The following NUP133 variants were observed in gnomAD, a reference collection of about 807,000 sequenced individuals.
NUP133 encodes nuclear pore complex protein Nup133.
Under a neutral mutation model 146.2 loss-of-function variants are expected in NUP133, and 66 were observed. That is an observed-to-expected ratio of 0.45 (90% CI 0.37 to 0.55). NUP133 has a LOEUF of 0.55. NUP133 is among the 20% of genes least tolerant of loss of function. The pLI is 0.00. For missense variants in NUP133, 1,277 were observed against 1,374.8 expected, an observed-to-expected ratio of 0.93 and a Z score of 1.12; for synonymous variants, 521 against 498.8, an observed-to-expected ratio of 1.04 and a Z score of -0.59.
chr1:229,495,950 T>C lies in NUP133; in HGVS notation c.917A>G (p.His306Arg), dbSNP rs1238384292. The change falls in exon 7 of 26, where the codon CAT becomes CGT. Residue 306 changes from histidine (H) to arginine (R), a missense_variant. By Grantham distance (29) the His-to-Arg change is conservative. Coordinates refer to ENST00000261396, the MANE Select transcript of NUP133 (RefSeq NM_018230.3). Reference protein sequence around the residue: ...KWELDDSSEKHAYSWDINRAL... With the variant: ...KWELDDSSEKRAYSWDINRAL... ...TCTATTTATATCCCAACTGTATGCA[T>C]GCTTTTCTGAAGAATCATCTAATTC... 1.9e-6 allele frequency: 3 copies of C among 1,612,066 alleles called. No homozygotes were observed. Among genetic ancestry groups the C allele is most frequent in the Admixed American group, 1.7e-5 (1 of 59,532 alleles).
Position 229,486,075 on chromosome 1 carries a change from C to A in NUP133, c.1500+296G>T, listed in dbSNP as rs1346823727. Among the ~76,000 whole-genome samples the A allele has an allele frequency of 5.9e-5, 9 of 152,098 alleles. No homozygotes were observed. In the East Asian group the frequency reaches 1.7e-3, roughly 29 times the overall value. ...TATTTAGGAAGTTAAGAGGGGAGGA[C>A]TGCTTGATCCCGGGAGGTTGAGGTG... is the stretch of plus-strand genomic sequence containing the variant. On this transcript the variant is annotated intron_variant, in intron 11 of 25. Coordinates refer to ENST00000261396, the MANE Select transcript of NUP133 (RefSeq NM_018230.3).
chr1:229,457,748 C>T (rs533982179), intron 21 of NUP133, among the ~76,000 whole-genome samples: 3 of 152,078 alleles, frequency 2.0e-5, no homozygotes, highest in Non-Finnish European at 4.4e-5. Context: ...ATATGAAGGG[C>T]CAACTGTACT....
intron 14 of NUP133, 78 bp downstream of exon 14, chr1:229,475,560 A>G (rs1268631970): frequency 1.9e-6 from 2 of 1,052,472 alleles, no homozygotes; most frequent in African/African-American, 1.6e-5. Context: ...ACACCTCAAA[A>G]TAGAGAGAAG....
In NUP133 at chr1:229,441,059, C is replaced by T. The variant is rs1056049124; in HGVS notation, c.*845G>A. 5.0e-6 allele frequency: 1 copy of T among 198,216 alleles called. No individual in the cohort carries two copies. The highest frequency in any genetic ancestry group is 1.2e-4 in the East Asian group (1 of 8,070). The allele number at this position is 198,216 out of a possible 1,614,324, so 12.3% of individuals were successfully genotyped here. A position where few individuals can be genotyped will look rare whatever the true frequency, so the allele number is the denominator to read the frequency against. On this transcript the variant is annotated 3_prime_UTR_variant, in exon 26 of 26. Coordinates refer to ENST00000261396, the MANE Select transcript of NUP133 (RefSeq NM_018230.3). Reference sequence around the variant, plus strand: ...GAGTGAGTGATGACACTGGTCAGGACAAAGCTCTGAGAGTACAGTACCTTT... The same window carrying T: ...GAGTGAGTGATGACACTGGTCAGGATAAAGCTCTGAGAGTACAGTACCTTT...
At chr1:229,493,155 T>C (rs1347320110) in intron 8 of NUP133, among the ~76,000 whole-genome samples, 3 of 152,308 alleles carry the variant, frequency 2.0e-5, no homozygotes, top group African/African-American at 7.2e-5. Flanking sequence ...TTAGTAATCA[T>C]CTAGTAAAAT....
chr1:229,472,318 CAA>C (rs67522726), intron 14 of NUP133, among the ~76,000 whole-genome samples: 1,728 of 83,454 alleles, frequency 0.021, 28 homozygotes, highest in African/African-American at 0.065. Context: ...GACTCCGTCT[CAA>C]AAAAAAAAAA....
intron 5 of NUP133, among the ~76,000 whole-genome samples, chr1:229,498,739 G>C (rs1661720716): frequency 1.4e-5 from 2 of 146,696 alleles, no homozygotes; most frequent in Admixed American, 1.4e-4. Context: ...CTGGGTGACA[G>C]AGTAAAACTG....
chr1:229,498,175 A>G lies in NUP133; in HGVS notation c.780T>C (p.Ser260=), dbSNP rs778372333. 1 of 1,611,586 alleles carries G rather than the reference A, an allele frequency of 6.2e-7. No individual in the cohort carries two copies. Among genetic ancestry groups the G allele is most frequent in the Non-Finnish European group, 8.5e-7 (1 of 1,179,324 alleles). ...TAGGAGATAAAATTCCAAAAAGAGA[A>G]GAAACTTTTCGACCAATTCCTGAAA... ...GMLSGIGRKV[S]SLFGILSPSS... Residue 260 remains serine, a synonymous_variant, in exon 6 of 26, where the codon TCT becomes TCC. Coordinates refer to ENST00000261396, the MANE Select transcript of NUP133 (RefSeq NM_018230.3).
chr1:229,498,561 G>C (rs1321903249), intron 5 of NUP133, among the ~76,000 whole-genome samples: 1 of 152,020 alleles, frequency 6.6e-6, no homozygotes, highest in Non-Finnish European at 1.5e-5. Context: ...AGCACTTTGG[G>C]AGCCCAAGGC....
intron 3 of NUP133, among the ~76,000 whole-genome samples, chr1:229,501,231 C>T (rs560371021): frequency 9.5e-4 from 144 of 152,310 alleles, no homozygotes; most frequent in African/African-American, 3.0e-3. Flanking sequence ...TTAAAATTAG[C>T]ATGACCAAAG....
intron 24 of NUP133, 178 bp downstream of exon 24, chr1:229,448,948 A>G: frequency 1.6e-6 from 1 of 616,818 alleles, no homozygotes; most frequent in Non-Finnish European, 2.9e-6. Flanking sequence ...GGACTGAACT[A>G]AATTAAAGGA....
intron 24 of NUP133, among the ~76,000 whole-genome samples, chr1:229,446,100 G>T (rs1660294473): frequency 6.6e-6 from 1 of 152,102 alleles, no homozygotes; most frequent in African/African-American, 2.4e-5. Context: ...CTGCAGAAAG[G>T]ATATGATTGT....
At chr1:229,477,553 G>A in intron 13 of NUP133, 44 bp downstream of exon 13, 2 of 1,480,504 alleles carry the variant, frequency 1.4e-6, no homozygotes, top group Non-Finnish European at 9.1e-7. Context: ...AAAGAAACCA[G>A]AATATGTTCA....
intron 9 of NUP133, among the ~76,000 whole-genome samples, chr1:229,489,379 C>T (rs1661453894): frequency 6.6e-6 from 1 of 152,198 alleles, no homozygotes; most frequent in Non-Finnish European, 1.5e-5. Context: ...TACCTAAATA[C>T]AGACATGACA....
intron 14 of NUP133, among the ~76,000 whole-genome samples, chr1:229,472,267 A>C (rs892394358): frequency 2.0e-5 from 3 of 150,850 alleles, no homozygotes; most frequent in Admixed American, 6.6e-5. Flanking sequence ...TGCAGTGAGC[A>C]GAGATTGCGC....
In NUP133 at chr1:229,493,333, C is replaced by T. The variant is rs546482427; in HGVS notation, c.1046+2162G>A. On this transcript the variant is annotated intron_variant, in intron 8 of 25. Coordinates refer to ENST00000261396, the MANE Select transcript of NUP133 (RefSeq NM_018230.3). ...GCTGGGACTATGGTACACACCATCA[C>T]GCCCAGCTAATTTTTTATTTTTATT... Among the ~76,000 whole-genome samples, 39 of 152,246 alleles carry T rather than the reference C, an allele frequency of 2.6e-4. No homozygotes were observed. In the South Asian group the frequency reaches 6.2e-3, roughly 24 times the overall value.
intron 11 of NUP133, among the ~76,000 whole-genome samples, chr1:229,484,837 GTATTT>G (rs1371953753): frequency 4.0e-5 from 6 of 151,538 alleles, no homozygotes; most frequent in African/African-American, 1.5e-4. Context: ...AAAATACAAG[GTATTT>G]TGTACTTTGT....
chr1:229,495,463 T>A, intron 8 of NUP133, 32 bp downstream of exon 8: 1 of 1,498,462 alleles, frequency 6.7e-7, no homozygotes, highest in Non-Finnish European at 9.3e-7. Context: ...CAAACTCTTC[T>A]CTATGTTCTT....
Position 229,487,545 on chromosome 1 carries a change from G to A in NUP133, c.1263C>T (p.Asn421=), listed in dbSNP as rs34971259. 33,898 of 1,613,576 alleles carry A rather than the reference G, an allele frequency of 0.021. 435 individuals carry two copies. The highest frequency in any genetic ancestry group is 0.032 in the Middle Eastern group (191 of 6,058). Residue 421 remains asparagine, a synonymous_variant, in exon 10 of 26, where the codon AAC becomes AAT. Transcript: ENST00000261396. ...NFSNQTAYLY[N]ESAVYVCSTG... Reference sequence around the variant, plus strand: ...TGGAGCACACATAGACAGCACTTTCGTTATACAGATAGGCAGTCTGGTTTG... The same window carrying A: ...TGGAGCACACATAGACAGCACTTTCATTATACAGATAGGCAGTCTGGTTTG...
Sources: allele counts gnomAD v4.1 joint callset (sites outside exome capture counted in the v4.1 genomes callset), GRCh38; gene constraint gnomAD v4.1.1; transcripts MANE v1.5; gene names NCBI Gene and HGNC (gene_info 2026-07-23, HGNC 2026-07-21).